CELF5: variants seen among roughly 807,000 people sequenced by gnomAD.
CELF5 encodes the protein CUG-BP and ETR-3 like factor 5.
Under a neutral mutation model 54.9 loss-of-function variants are expected in CELF5, and 6 were observed. The ratio of observed to expected loss-of-function variants is 0.11; its 90% CI spans 0.06 to 0.22. The LOEUF (loss-of-function observed/expected upper bound fraction) is 0.22, where lower values mean the gene tolerates loss of function less well. CELF5 is among the 10% of genes least tolerant of loss of function. CELF5 has a pLI of 1.00. For missense variants in CELF5, 401 were observed against 678.6 expected (o/e 0.59, Z 4.54); for synonymous variants, 271 against 290.9 (o/e 0.93, Z 0.70).
At chr19:3,237,547 G>A (rs1276436954) in intron 1 of CELF5, among the ~76,000 whole-genome samples, 4 of 152,082 alleles carry the variant, frequency 2.6e-5, no homozygotes, top group South Asian at 2.1e-4. Context: ...CTGTCGTGGC[G>A]CGGGTGGGAG....
At position 3,225,020 on chromosome 19, in the gene CELF5, C is replaced by T. The variant is rs1421413478; in HGVS notation, c.259+22C>T. Reference sequence around the variant, plus strand: ...AAAGGTGGGCGCCCGGCCCCCTCCCCCCTCTCCCCCTCCCTCCGCCTCCCA... The same window carrying T: ...AAAGGTGGGCGCCCGGCCCCCTCCCTCCTCTCCCCCTCCCTCCGCCTCCCA... On this transcript the variant is annotated intron_variant, in intron 1 of 12. Coordinates refer to ENST00000292672, the MANE Select transcript of CELF5 (RefSeq NM_021938.4). 8 of 1,394,638 alleles carry T rather than the reference C, an allele frequency of 5.7e-6. No homozygotes were observed. The East Asian group carries it at 9.0e-5, about 16-fold the overall frequency. 86.4% of individuals were successfully genotyped at this position (1,394,638 alleles called of 1,614,324 possible). A position where few individuals can be genotyped will look rare whatever the true frequency, so the allele number is the denominator to read the frequency against.
At chr19:3,284,167 T>C (rs1406393414) in intron 8 of CELF5, among the ~76,000 whole-genome samples, 1 of 152,068 alleles carries the variant, frequency 6.6e-6, no homozygotes, top group Non-Finnish European at 1.5e-5. Context: ...AGTTTTTGTA[T>C]GCACTCTGTG....
chr19:3,231,607 G>A (rs1384982107), intron 1 of CELF5, among the ~76,000 whole-genome samples: 1 of 151,174 alleles, frequency 6.6e-6, no homozygotes, highest in African/African-American at 2.4e-5. Flanking sequence ...ATGGATGGAT[G>A]GATGGATAGA....
rs911634276 is a variant in CELF5 at position 3,268,551 on chromosome 19, G to A, written c.343-5321G>A. On this transcript the variant is annotated intron_variant, in intron 2 of 12. Transcript: ENST00000292672. The surrounding 1 kb of genome is among the most constrained non-coding windows in gnomAD (Gnocchi z 4.4). Reference sequence around the variant, plus strand: ...ACTTCCCGTGCCAGGCACTGTGCCCGGCATGCTCTTGGCTGATGGGGATGG... The same window carrying A: ...ACTTCCCGTGCCAGGCACTGTGCCCAGCATGCTCTTGGCTGATGGGGATGG... 9.2e-5 allele frequency among the ~76,000 whole-genome samples: 14 copies of A among 152,132 alleles called. No individual in the cohort carries two copies. The highest frequency in any genetic ancestry group is 2.9e-4 in the African/African-American group (12 of 41,408).
chr19:3,256,781 T>G (rs1479472673), intron 2 of CELF5, among the ~76,000 whole-genome samples: 1 of 152,000 alleles, frequency 6.6e-6, no homozygotes, highest in African/African-American at 2.4e-5. Flanking sequence ...TTGACCAGGC[T>G]GGTCTCAAAC....
rs995883712 is a variant in CELF5 at position 3,278,212 on chromosome 19, G to C, written c.603+102G>C. 2.4e-6 allele frequency: 2 copies of C among 830,090 alleles called. No individual in the cohort carries two copies. Among genetic ancestry groups the C allele is most frequent in the Non-Finnish European group, 3.8e-6 (2 of 522,998 alleles). The allele number at this position is 830,090 out of a possible 1,614,324, so 51.4% of individuals were successfully genotyped here. ...TTCCTACCGTCGCTGTCATCCGGTA[G>C]CCCCTGGCTGTCCTTCAGAGGGGGC... On this transcript the variant is annotated intron_variant, in intron 5 of 12. Transcript: ENST00000292672. This position sits in a 1 kb window ranked among gnomAD's most constrained non-coding sequence, Gnocchi z 4.5.
chr19:3,249,362 G>A (rs1018357770), intron 1 of CELF5, among the ~76,000 whole-genome samples: 2 of 152,138 alleles, frequency 1.3e-5, no homozygotes, highest in African/African-American at 4.8e-5. Context: ...ATCTAATTAG[G>A]CTTTCAGGGC....
At chr19:3,241,281 C>T (rs1385098324) in intron 1 of CELF5, among the ~76,000 whole-genome samples, 1 of 150,954 alleles carries the variant, frequency 6.6e-6, no homozygotes, top group Non-Finnish European at 1.5e-5. Flanking sequence ...TGGGGTTTCA[C>T]CATGTTGGCC....
chr19:3,247,669 G>A (rs988296534), intron 1 of CELF5, among the ~76,000 whole-genome samples: 21 of 151,764 alleles, frequency 1.4e-4, no homozygotes, highest in African/African-American at 4.6e-4. Context: ...GCACGCTTAC[G>A]TGTTCTGCAC....
intron 1 of CELF5, among the ~76,000 whole-genome samples, chr19:3,248,925 T>TC (rs1190701636): frequency 5.8e-5 from 7 of 119,936 alleles, no homozygotes; most frequent in African/African-American, 1.8e-4. Context: ...TTTCTTTCTT[T>TC]CTTTTCTTTT....
intron 1 of CELF5, among the ~76,000 whole-genome samples, chr19:3,226,290 A>C (rs1309137974): frequency 1.3e-5 from 2 of 152,046 alleles, no homozygotes; most frequent in African/African-American, 4.8e-5. Flanking sequence ...TGAATGAATG[A>C]ATGAATGAAT....
At chr19:3,286,373 C>T (rs2080248447) in intron 10 of CELF5, 1 of 278,880 alleles carries the variant, frequency 3.6e-6, no homozygotes, top group Non-Finnish European at 6.7e-6. Flanking sequence ...ATGAGGCCTC[C>T]CCAGTAAAGC....
At chr19:3,289,583 G>A (rs942658553) in intron 10 of CELF5, among the ~76,000 whole-genome samples, 33 of 148,872 alleles carry the variant, frequency 2.2e-4, no homozygotes, top group Non-Finnish European at 3.7e-4. Flanking sequence ...TTGGGAGGCT[G>A]AGGCAGGAGA....
chr19:3,230,104 ATTC>A (rs1762095169), intron 1 of CELF5, among the ~76,000 whole-genome samples: 2 of 151,954 alleles, frequency 1.3e-5, no homozygotes, highest in Non-Finnish European at 2.9e-5. Context: ...TCATTCATTC[ATTC>A]ATTCATTCAC....
chr19:3,268,501 A>G lies in CELF5; in HGVS notation c.343-5371A>G, dbSNP rs909850499. Among the ~76,000 whole-genome samples the G allele has an allele frequency of 1.3e-5, 2 of 152,050 alleles. No homozygotes were observed. The highest frequency in any genetic ancestry group is 4.8e-5 in the African/African-American group (2 of 41,390). On this transcript the variant is annotated intron_variant, in intron 2 of 12. Coordinates refer to ENST00000292672, the MANE Select transcript of CELF5 (RefSeq NM_021938.4). This position sits in a 1 kb window ranked among gnomAD's most constrained non-coding sequence, Gnocchi z 4.4. ...CTGTGCAGACACCAAATTGTAAGACACTGCCTGGCACCAGCTCTTGGGTGA... is the reference window on the plus strand; with the variant it reads ...CTGTGCAGACACCAAATTGTAAGACGCTGCCTGGCACCAGCTCTTGGGTGA...
Position 3,228,684 on chromosome 19 carries a change from G to C in CELF5, c.259+3686G>C, listed in dbSNP as rs1243802690. Among the ~76,000 whole-genome samples the C allele has an allele frequency of 2.7e-5, 4 of 150,558 alleles. No homozygotes were observed. In the East Asian group the frequency reaches 7.9e-4, roughly 30 times the overall value. ...CCATGGGAGCACCAGCTGCCGGCTCGACTCGGGAGGGGGGGAGGAGGAGGC... is the reference window on the plus strand; with the variant it reads ...CCATGGGAGCACCAGCTGCCGGCTCCACTCGGGAGGGGGGGAGGAGGAGGC... On this transcript the variant is annotated intron_variant, in intron 1 of 12. Transcript: ENST00000292672. The surrounding 1 kb of genome is among the most constrained non-coding windows in gnomAD (Gnocchi z 6.0).
intron 1 of CELF5, among the ~76,000 whole-genome samples, chr19:3,243,652 T>C (rs1431040075): frequency 1.3e-5 from 2 of 152,162 alleles, no homozygotes; most frequent in African/African-American, 4.8e-5. Context: ...GGCGCTGCCG[T>C]AACCACACAC....
chr19:3,242,814 A>G (rs1169368776), intron 1 of CELF5, among the ~76,000 whole-genome samples: 1 of 152,056 alleles, frequency 6.6e-6, no homozygotes, highest in African/African-American at 2.4e-5. Flanking sequence ...TAAAAAAAAA[A>G]TTAGCTGGGC....
intron 1 of CELF5, among the ~76,000 whole-genome samples, chr19:3,240,511 A>T (rs575336363): frequency 2.0e-5 from 3 of 151,486 alleles, no homozygotes; most frequent in Non-Finnish European, 4.4e-5. Flanking sequence ...TATTTTTAGT[A>T]GAGAGGGGGT....
Sources: allele counts gnomAD v4.1 joint callset (sites outside exome capture counted in the v4.1 genomes callset), GRCh38; gene constraint gnomAD v4.1.1; non-coding constraint Gnocchi (gnomAD v3.1); transcripts MANE v1.5; gene names NCBI Gene and HGNC (gene_info 2026-07-23, HGNC 2026-07-21).